The following CHRNB3 variants were observed in gnomAD, a reference collection of about 807,000 sequenced individuals.
CHRNB3 encodes the protein neuronal acetylcholine receptor subunit beta-3.
A neutral mutation model predicts 40.6 loss-of-function variants in CHRNB3; 37 were observed. The observed-to-expected ratio is 0.91, with a 90% CI of 0.70 to 1.20. The LOEUF (loss-of-function observed/expected upper bound fraction) is 1.20, where lower values mean the gene tolerates loss of function less well. Among genes scored for constraint, CHRNB3 ranks in the 50% most tolerant of loss-of-function variants. The pLI is 0.00. For missense variants in CHRNB3, 505 were observed against 551.2 expected (o/e 0.92, Z 0.84); for synonymous variants, 207 against 207.1 (o/e 1.00, Z 0.00).
chr8:42,712,856 TC>T (rs1816040508), intron 3 of CHRNB3, among the ~76,000 whole-genome samples: 1 of 106,536 alleles, frequency 9.4e-6, no homozygotes, highest in African/African-American at 2.7e-5. Context: ...CCCCCACTGC[TC>T]TCTTTTTTTT....
intron 1 of CHRNB3, among the ~76,000 whole-genome samples, chr8:42,703,119 G>A (rs1815846401): frequency 6.6e-6 from 1 of 151,890 alleles, no homozygotes; most frequent in African/African-American, 2.4e-5. Flanking sequence ...TTGGGTCCAA[G>A]CTTCTGTAAG....
intron 3 of CHRNB3, among the ~76,000 whole-genome samples, chr8:42,714,040 GA>G (rs1816060620): frequency 6.6e-6 from 1 of 152,208 alleles, no homozygotes; most frequent in Non-Finnish European, 1.5e-5. Context: ...TTTGGAGTGG[GA>G]AATGTTACAG....
At chr8:42,697,724 T>C in intron 1 of CHRNB3, 126 bp downstream of exon 1, 1 of 697,970 alleles carries the variant, frequency 1.4e-6, no homozygotes, top group South Asian at 2.2e-5. Flanking sequence ...TAGGATAACC[T>C]TTAAAATGTG....
chr8:42,722,827 C>T (rs78703002), intron 3 of CHRNB3, among the ~76,000 whole-genome samples: 3,822 of 152,234 alleles, frequency 0.025, 172 homozygotes, highest in African/African-American at 0.087. Context: ...CTCAGCCTTC[C>T]AGAGTGCAGG....
intron 1 of CHRNB3, 92 bp downstream of exon 1, chr8:42,697,690 A>T: frequency 3.2e-6 from 3 of 938,590 alleles, no homozygotes; most frequent in Non-Finnish European, 5.3e-6. Context: ...TTAGAATTAC[A>T]ATATGTAATG....
At chr8:42,726,727 T>C (rs1439309688) in intron 3 of CHRNB3, among the ~76,000 whole-genome samples, 2 of 152,104 alleles carry the variant, frequency 1.3e-5, no homozygotes, top group African/African-American at 2.4e-5. Flanking sequence ...TGACTTCAGG[T>C]GATCCACCCG....
intron 2 of CHRNB3, among the ~76,000 whole-genome samples, chr8:42,709,509 T>C (rs76254869): frequency 0.011 from 1,676 of 152,238 alleles, 33 homozygotes; most frequent in African/African-American, 0.039. Context: ...TTCTCCACCC[T>C]ACTACACACA....
intron 3 of CHRNB3, chr8:42,725,855 G>T (rs1447547392): frequency 6.2e-6 from 5 of 810,662 alleles, no homozygotes; most frequent in African/African-American, 3.3e-5. Context: ...TTTAGGTTCT[G>T]GGGGGTGACT....
At chr8:42,726,126 G>A (rs977739214) in intron 3 of CHRNB3, 16 of 1,330,720 alleles carry the variant, frequency 1.2e-5, no homozygotes, top group Middle Eastern at 5.0e-4. Context: ...TTTGCCAAAA[G>A]TGCCTGCTTT....
intron 5 of CHRNB3, among the ~76,000 whole-genome samples, chr8:42,734,591 TTG>T (rs774975657): frequency 2.3e-4 from 35 of 151,544 alleles, no homozygotes; most frequent in Non-Finnish European, 4.6e-4. Flanking sequence ...GGCCAATTTT[TTG>T]TGTTTTTAGT....
intron 1 of CHRNB3, among the ~76,000 whole-genome samples, chr8:42,707,936 A>C (rs535265365): frequency 6.6e-6 from 1 of 152,224 alleles, no homozygotes. Context: ...CATTGCTCCC[A>C]TCGTCAGGGA....
chr8:42,702,140 C>A (rs1382787476), intron 1 of CHRNB3, among the ~76,000 whole-genome samples: 1 of 152,164 alleles, frequency 6.6e-6, no homozygotes, highest in Non-Finnish European at 1.5e-5. Context: ...GAGCTCAGTG[C>A]ACAGGAGATG....
In CHRNB3 at chr8:42,703,435, A is replaced by AAAAAAAAAAAATATATAT; in HGVS notation, c.53-5281_53-5280insAAAAAAAAAATATATATA. ...CAAGACTTCGTCTAAAAAAAAAAAAAATATTTATATATATATATATATATA... is the reference window on the plus strand; with the variant it reads ...CAAGACTTCGTCTAAAAAAAAAAAAAAAAAAAAAAAATATATATATATTTATATATATATATATATATA... On this transcript the variant is annotated intron_variant, in intron 1 of 5. Transcript: ENST00000289957. Among the ~76,000 whole-genome samples, 4 of 47,410 alleles carry AAAAAAAAAAAATATATAT rather than the reference A, an allele frequency of 8.4e-5. 2 individuals carry two copies. The highest frequency in any genetic ancestry group is 1.2e-4 in the African/African-American group (2 of 16,134). The allele number at this position is 47,410 out of a possible 152,430, so 31.1% of individuals were successfully genotyped here.
chr8:42,736,462 G>T, intron 5 of CHRNB3, 22 bp from the exon 6 acceptor site: 2 of 1,613,456 alleles, frequency 1.2e-6, no homozygotes, highest in Non-Finnish European at 1.7e-6. Context: ...TTGAGTGAAA[G>T]GCATCTTTTT....
At chr8:42,711,434 G>A (rs747536155) in intron 3 of CHRNB3, among the ~76,000 whole-genome samples, 2 of 151,012 alleles carry the variant, frequency 1.3e-5, no homozygotes, top group African/African-American at 4.9e-5. Context: ...TCATTCTGCC[G>A]CCCAGGCTGG....
In CHRNB3 at chr8:42,732,049, T is replaced by G. The variant is rs780364090; in HGVS notation, c.742T>G (p.Ser248Ala). Residue 248 changes from serine (S) to alanine (A), a missense_variant, in exon 5 of 6, where the codon TCT becomes GCT. Transcript: ENST00000289957. ...LFLIIPCLGL[S>A]FLTVLVFYLP... ...TCTCATCATCCCCTGCCTGGGGCTG[T>G]CTTTCCTAACAGTTCTTGTGTTCTA... is the stretch of plus-strand genomic sequence containing the variant. 2 of 1,614,152 alleles carry G rather than the reference T, an allele frequency of 1.2e-6. No homozygotes were observed. Among genetic ancestry groups the G allele is most frequent in the Admixed American group, 3.3e-5 (2 of 60,002 alleles).
intron 3 of CHRNB3, among the ~76,000 whole-genome samples, chr8:42,711,933 C>G (rs1816022897): frequency 6.6e-6 from 1 of 152,060 alleles, no homozygotes; most frequent in South Asian, 2.1e-4. Context: ...TTGTTTAGCT[C>G]CCACTTCTAA....
intron 1 of CHRNB3, among the ~76,000 whole-genome samples, chr8:42,707,114 A>G (rs1203542673): frequency 6.6e-6 from 1 of 152,096 alleles, no homozygotes; most frequent in Non-Finnish European, 1.5e-5. Context: ...CCTATCACTC[A>G]TTTGCATTTT....
In CHRNB3 at chr8:42,731,573, A is replaced by G; in HGVS notation, c.360-94A>G. 27 of 1,339,598 alleles carry G rather than the reference A, an allele frequency of 2.0e-5. No individual in the cohort carries two copies. The South Asian group carries it at 2.1e-4, about 10-fold the overall frequency. 83.0% of individuals were successfully genotyped at this position (1,339,598 alleles called of 1,614,324 possible). A position where few individuals can be genotyped will look rare whatever the true frequency, so the allele number is the denominator to read the frequency against. Reference sequence around the variant, plus strand: ...CCATCTCAAAAAAGAAAAGAAAAGAAAAGTCATAAAACAGAAATAGTCAAT... The same window carrying G: ...CCATCTCAAAAAAGAAAAGAAAAGAGAAGTCATAAAACAGAAATAGTCAAT... On this transcript the variant is annotated intron_variant, in intron 4 of 5. Transcript: ENST00000289957.
Sources: gnomAD v4.1 joint callset for allele counts (sites outside exome capture counted in the v4.1 genomes callset) on GRCh38, gnomAD v4.1.1 for gene constraint, MANE v1.5 for transcripts, NCBI Gene and HGNC (gene_info 2026-07-23, HGNC 2026-07-21) for gene names.